TTC28: variants seen among roughly 807,000 people sequenced by gnomAD.
TTC28 encodes tetratricopeptide repeat domain 28, also known as tetratricopeptide repeat protein 28.
TTC28 carries 61 observed loss-of-function variants against 198.0 expected under a neutral mutation model. The observed-to-expected ratio is 0.31, with a 90% CI of 0.25 to 0.38. The LOEUF (loss-of-function observed/expected upper bound fraction) is 0.38. Among genes scored for constraint, TTC28 ranks in the 10% least tolerant of loss-of-function variants. TTC28 has a pLI of 1.00. For missense variants in TTC28, 2,678 were observed against 3,164.0 expected, an observed-to-expected ratio of 0.85 and a Z score of 3.69; for synonymous variants, 1,171 against 1,297.8, an observed-to-expected ratio of 0.90 and a Z score of 2.10.
chr22:28,655,925 T>C (rs2051641794), intron 1 of TTC28, among the ~76,000 whole-genome samples: 1 of 151,878 alleles, frequency 6.6e-6, no homozygotes, highest in South Asian at 2.1e-4. Flanking sequence ...TGAACCCAGG[T>C]TGACACCTAC....
intron 2 of TTC28, among the ~76,000 whole-genome samples, chr22:28,391,635 A>C (rs988032512): frequency 2.0e-5 from 3 of 152,166 alleles, no homozygotes; most frequent in African/African-American, 4.8e-5. Context: ...TGATTGCATC[A>C]GCTCCTGAGG....
chr22:28,583,772 G>A (rs1444647444), intron 2 of TTC28, among the ~76,000 whole-genome samples: 6 of 152,034 alleles, frequency 3.9e-5, no homozygotes, highest in Admixed American at 1.3e-4. Context: ...GAAGACTGGA[G>A]ATGACTATTT....
intron 2 of TTC28, among the ~76,000 whole-genome samples, chr22:28,355,155 G>A (rs1271222027): frequency 6.6e-6 from 1 of 151,970 alleles, no homozygotes; most frequent in Non-Finnish European, 1.5e-5. Context: ...ACTATGCTAT[G>A]TATTATTATC....
chr22:28,510,103 A>G (rs1336554194), intron 2 of TTC28, among the ~76,000 whole-genome samples: 3 of 152,192 alleles, frequency 2.0e-5, no homozygotes, highest in African/African-American at 7.2e-5. Context: ...CCAGAGGTAC[A>G]AAGAAGACCT....
At chr22:27,990,879 G>A (rs750663846) in intron 19 of TTC28, 67 bp from the exon 20 acceptor site, 4 of 1,476,178 alleles carry the variant, frequency 2.7e-6, no homozygotes, top group Non-Finnish European at 3.7e-6. Flanking sequence ...CTCAAGCACA[G>A]GCTGTTATGC....
chr22:28,528,608 C>A (rs189221129), intron 2 of TTC28, among the ~76,000 whole-genome samples: 241 of 151,124 alleles, frequency 1.6e-3, no homozygotes, highest in African/African-American at 5.4e-3. Flanking sequence ...TGGTGGCATG[C>A]ACTTGTAGTC....
chr22:27,982,447 CCCT>C lies in TTC28; in HGVS notation c.7217_7219del (p.Glu2406del), dbSNP rs1307952231. ...CTCCTTCAGTTCAAGCTTATCCACT[CCCT>C]CCTCCTTCTTATTGTGCCGTGGTGA... is the stretch of plus-strand genomic sequence containing the variant. On this transcript the variant is annotated inframe_deletion, in exon 23 of 23. Coordinates refer to ENST00000397906, the MANE Select transcript of TTC28 (RefSeq NM_001145418.2). This position sits in a 1 kb window ranked among gnomAD's most constrained non-coding sequence, Gnocchi z 5.2. 1.0e-5 allele frequency: 16 copies of C among 1,551,396 alleles called. No individual in the cohort carries two copies. Among genetic ancestry groups the C allele is most frequent in the African/African-American group, 8.2e-5 (6 of 72,950 alleles).
intron 5 of TTC28, among the ~76,000 whole-genome samples, chr22:28,268,563 A>G (rs906565241): frequency 6.6e-6 from 1 of 152,204 alleles, no homozygotes; most frequent in African/African-American, 2.4e-5. Context: ...AGGCTCTGTG[A>G]CATACTAGTT....
chr22:28,129,195 C>T (rs1443696552), intron 6 of TTC28, among the ~76,000 whole-genome samples: 7 of 152,136 alleles, frequency 4.6e-5, no homozygotes, highest in African/African-American at 7.2e-5. Context: ...GAACTGTTCC[C>T]GATGGAAATC....
chr22:28,542,052 G>A (rs1372143159), intron 2 of TTC28, among the ~76,000 whole-genome samples: 1 of 151,960 alleles, frequency 6.6e-6, no homozygotes, highest in Non-Finnish European at 1.5e-5. Context: ...TCATGCCACT[G>A]CACTCCAGCC....
At chr22:28,455,890 T>G (rs1048052068) in intron 2 of TTC28, among the ~76,000 whole-genome samples, 7 of 152,084 alleles carry the variant, frequency 4.6e-5, no homozygotes, top group Non-Finnish European at 1.0e-4. Context: ...CCAAGTATTG[T>G]GGGTCATGCC....
chr22:28,197,587 A>G (rs1453374943), intron 5 of TTC28, among the ~76,000 whole-genome samples: 1 of 152,150 alleles, frequency 6.6e-6, no homozygotes, highest in East Asian at 1.9e-4. Context: ...AAAGAATAAA[A>G]TAAAATGATA....
At chr22:28,296,428 T>G in intron 4 of TTC28, 100 bp from the exon 5 acceptor site, 1 of 1,058,058 alleles carries the variant, frequency 9.5e-7, no homozygotes, top group Non-Finnish European at 1.3e-6. Flanking sequence ...CACAGATTTA[T>G]TAGCTAAGAT....
At chr22:28,407,895 G>A (rs902968333) in intron 2 of TTC28, among the ~76,000 whole-genome samples, 9 of 152,162 alleles carry the variant, frequency 5.9e-5, no homozygotes, top group East Asian at 3.8e-4. Context: ...GAATTAAATC[G>A]AATGTCATAT....
chr22:28,562,395 G>C (rs951181207), intron 2 of TTC28, among the ~76,000 whole-genome samples: 4 of 152,152 alleles, frequency 2.6e-5, no homozygotes, highest in Admixed American at 2.0e-4. Context: ...GTGAGTTTTA[G>C]AGACACTGTC....
In TTC28 at chr22:27,978,809, C is replaced by T. The variant is rs1936927173; in HGVS notation, c.*3412G>A. 6.6e-6 allele frequency: 1 copy of T among 152,204 alleles called. No homozygotes were observed. Among genetic ancestry groups the T allele is most frequent in the Non-Finnish European group, 1.5e-5 (1 of 68,040 alleles). The allele number at this position is 152,204 out of a possible 1,614,324, so 9.4% of individuals were successfully genotyped here. On this transcript the variant is annotated 3_prime_UTR_variant, in exon 23 of 23. Coordinates refer to ENST00000397906, the MANE Select transcript of TTC28 (RefSeq NM_001145418.2). ...AGAGAATTAAGAAAGCTTTGACTCCCTTGCTCTGTGGTCCTGCTGAGGTTT... is the reference window on the plus strand; with the variant it reads ...AGAGAATTAAGAAAGCTTTGACTCCTTTGCTCTGTGGTCCTGCTGAGGTTT...
chr22:28,490,026 T>A (rs1315560110), intron 2 of TTC28, among the ~76,000 whole-genome samples: 1 of 152,166 alleles, frequency 6.6e-6, no homozygotes, highest in East Asian at 1.9e-4. Flanking sequence ...GAGAAAGATG[T>A]AGGCTGGAAG....
intron 2 of TTC28, among the ~76,000 whole-genome samples, chr22:28,376,897 C>A (rs2046419716): frequency 6.6e-6 from 1 of 151,924 alleles, no homozygotes; most frequent in South Asian, 2.1e-4. Flanking sequence ...AAAGAAGCAC[C>A]AGAAAGAAAC....
chr22:28,288,247 T>G (rs1285151019), intron 5 of TTC28, among the ~76,000 whole-genome samples: 1 of 152,212 alleles, frequency 6.6e-6, no homozygotes, highest in Non-Finnish European at 1.5e-5. Context: ...TTTGCTCCGA[T>G]GTGTGTTTCC....
Sources: allele counts gnomAD v4.1 joint callset (sites outside exome capture counted in the v4.1 genomes callset), GRCh38; gene constraint gnomAD v4.1.1; non-coding constraint Gnocchi (gnomAD v3.1); transcripts MANE v1.5; gene names NCBI Gene and HGNC (gene_info 2026-07-23, HGNC 2026-07-21).